The following ALK variants were observed in gnomAD, a reference collection of about 807,000 sequenced individuals.
ALK encodes the protein ALK receptor tyrosine kinase.
ALK carries 74 observed loss-of-function variants against 163.1 expected under a neutral mutation model. The ratio of observed to expected loss-of-function variants is 0.45; its 90% CI spans 0.38 to 0.55. ALK has a LOEUF of 0.55. Among genes scored for constraint, ALK ranks in the 20% least tolerant of loss-of-function variants. The pLI, the probability that ALK is intolerant of heterozygous loss-of-function variation, is 0.00. For synonymous variants in ALK, 960 were observed against 843.2 expected (o/e 1.14, Z -2.40); for missense variants, 2,063 against 2,105.3 (o/e 0.98, Z 0.39).
intron 4 of ALK, among the ~76,000 whole-genome samples, chr2:29,398,052 G>A (rs1002082085): frequency 6.6e-6 from 1 of 152,114 alleles, no homozygotes; most frequent in Non-Finnish European, 1.5e-5. Flanking sequence ...CATGACTTTC[G>A]AGGGTCAGCT....
At chr2:29,214,259 G>T (rs529703028) in intron 23 of ALK, among the ~76,000 whole-genome samples, 178 bp from the exon 24 acceptor site, 9 of 152,324 alleles carry the variant, frequency 5.9e-5, no homozygotes, top group African/African-American at 2.2e-4. Flanking sequence ...GAATTTGGAT[G>T]CCTGGGCCCC....
chr2:29,388,051 T>G (rs1397079976), intron 4 of ALK, among the ~76,000 whole-genome samples: 1 of 152,196 alleles, frequency 6.6e-6, no homozygotes, highest in Non-Finnish European at 1.5e-5. Flanking sequence ...GTGAAATACT[T>G]TGTCAGAAAA....
intron 3 of ALK, among the ~76,000 whole-genome samples, chr2:29,582,234 A>C (rs750645857): frequency 1.3e-5 from 2 of 152,304 alleles, no homozygotes; most frequent in South Asian, 2.1e-4. Flanking sequence ...GCAGAGGGAA[A>C]CGGCCTTCCT....
intron 6 of ALK, among the ~76,000 whole-genome samples, chr2:29,323,497 C>G (rs1264563788): frequency 6.6e-6 from 1 of 152,168 alleles, no homozygotes; most frequent in African/African-American, 2.4e-5. Context: ...GTGGAAACCC[C>G]TTTTCTTTCT....
chr2:29,668,836 T>C (rs942546570), intron 3 of ALK, among the ~76,000 whole-genome samples: 2 of 152,030 alleles, frequency 1.3e-5, no homozygotes, highest in Non-Finnish European at 2.9e-5. Flanking sequence ...ACAATCATGG[T>C]GGAAGGCAAA....
chr2:29,782,069 C>T (rs942783353), intron 1 of ALK, among the ~76,000 whole-genome samples: 1 of 152,210 alleles, frequency 6.6e-6, no homozygotes, highest in African/African-American at 2.4e-5. Context: ...TCTGCTTACC[C>T]TATCTCTTCC....
chr2:29,375,797 A>C (rs1026382569), intron 5 of ALK, among the ~76,000 whole-genome samples: 2 of 152,180 alleles, frequency 1.3e-5, no homozygotes, highest in Non-Finnish European at 2.9e-5. Flanking sequence ...CTTTCTGAGA[A>C]AGGAATGTTG....
At chr2:29,879,108 G>A (rs1346631705) in intron 1 of ALK, among the ~76,000 whole-genome samples, 1 of 152,040 alleles carries the variant, frequency 6.6e-6, no homozygotes, top group Non-Finnish European at 1.5e-5. Flanking sequence ...CAGGATATAT[G>A]ACCCACCCCT....
intron 4 of ALK, among the ~76,000 whole-genome samples, chr2:29,464,149 C>T (rs1234296010): frequency 2.6e-5 from 4 of 152,000 alleles, no homozygotes; most frequent in Non-Finnish European, 4.4e-5. Context: ...ATCACAATGT[C>T]TAGTATCTAA....
intron 3 of ALK, among the ~76,000 whole-genome samples, chr2:29,654,890 G>GA (rs953597490): frequency 1.6e-4 from 25 of 151,680 alleles, no homozygotes; most frequent in Admixed American, 7.2e-4. Flanking sequence ...ACTAAAGGTT[G>GA]AAAAAAAAGC....
intron 3 of ALK, among the ~76,000 whole-genome samples, chr2:29,549,455 TC>T (rs1283832137): frequency 6.6e-6 from 1 of 152,216 alleles, no homozygotes; most frequent in Non-Finnish European, 1.5e-5. Flanking sequence ...ATAGATGCTA[TC>T]CCCAGTTGTA....
At chr2:29,785,109 T>G (rs967318767) in intron 1 of ALK, among the ~76,000 whole-genome samples, 1 of 152,110 alleles carries the variant, frequency 6.6e-6, no homozygotes, top group Non-Finnish European at 1.5e-5. Flanking sequence ...TCCGGAGAGC[T>G]GGGCCTACAC....
At chr2:29,347,115 A>T (rs1406861801) in intron 5 of ALK, among the ~76,000 whole-genome samples, 1 of 152,202 alleles carries the variant, frequency 6.6e-6, no homozygotes, top group African/African-American at 2.4e-5. Context: ...ACTCTATGAC[A>T]TGGAACTGTC....
chr2:29,571,350 C>T (rs1674362589), intron 3 of ALK, among the ~76,000 whole-genome samples: 1 of 152,134 alleles, frequency 6.6e-6, no homozygotes, highest in Non-Finnish European at 1.5e-5. Context: ...ACCTGCAATC[C>T]CCACGTGTCA....
chr2:29,328,477 T>C lies in ALK; in HGVS notation c.1287A>G (p.Thr429=). Reference sequence around the variant, plus strand: ...GCAGGGCCATCTTGGAGCCTGGGGATGTTCCTGGAGAGCACACAGACACAC... The same window carrying C: ...GCAGGGCCATCTTGGAGCCTGGGGACGTTCCTGGAGAGCACACAGACACAC... The part of the protein sequence containing the change: ...FFALKNCSEG[T]SPGSKMALQS... Residue 429 remains threonine (T), a synonymous_variant, in exon 6 of 29, where the codon ACA becomes ACG. Transcript: ENST00000389048. 1.2e-6 allele frequency: 2 copies of C among 1,614,172 alleles called. No homozygotes were observed. Among genetic ancestry groups the C allele is most frequent in the South Asian group, 1.1e-5 (1 of 91,086 alleles).
At chr2:29,633,556 T>A (rs1286157107) in intron 3 of ALK, among the ~76,000 whole-genome samples, 1 of 151,632 alleles carries the variant, frequency 6.6e-6, no homozygotes, top group South Asian at 2.1e-4. Context: ...AAGCAGAAGA[T>A]ATAATAAATA....
intron 3 of ALK, among the ~76,000 whole-genome samples, chr2:29,605,503 T>G (rs989000408): frequency 6.6e-6 from 1 of 152,192 alleles, no homozygotes; most frequent in Admixed American, 6.5e-5. Context: ...AGGCGGGGCC[T>G]TTGGGAGATA....
chr2:29,604,983 T>C (rs532184395), intron 3 of ALK, among the ~76,000 whole-genome samples: 1 of 152,322 alleles, frequency 6.6e-6, no homozygotes, highest in South Asian at 2.1e-4. Context: ...ATAGGTGATA[T>C]TTAATGACAG....
chr2:29,533,941 GGA>G (rs1176678505), intron 3 of ALK, among the ~76,000 whole-genome samples: 2 of 152,162 alleles, frequency 1.3e-5, no homozygotes, highest in African/African-American at 4.8e-5. Context: ...GGTCTTACAG[GGA>G]GAGAAAAACA....
Sources: gnomAD v4.1 joint callset for allele counts (sites outside exome capture counted in the v4.1 genomes callset) on GRCh38, gnomAD v4.1.1 for gene constraint, MANE v1.5 for transcripts, NCBI Gene and HGNC (gene_info 2026-07-23, HGNC 2026-07-21) for gene names.